ENKUR: variants seen among roughly 807,000 people sequenced by gnomAD.
The protein encoded by ENKUR is enkurin.
A neutral mutation model predicts 27.6 loss-of-function variants in ENKUR; 19 were observed. That is an observed-to-expected ratio of 0.69 (90% CI 0.48 to 1.01). The LOEUF is 1.01. Among genes scored for constraint, ENKUR ranks in the 50% least tolerant of loss-of-function variants. ENKUR has a pLI of 0.00. For missense variants in ENKUR, 312 were observed against 310.5 expected (o/e 1.00, Z -0.04); for synonymous variants, 117 against 96.9 (o/e 1.21, Z -1.22).
intron 2 of ENKUR, among the ~76,000 whole-genome samples, chr10:25,040,371 ATT>A (rs370808163): frequency 1.3e-4 from 18 of 133,760 alleles, no homozygotes; most frequent in Admixed American, 1.6e-4. Flanking sequence ...ATTAAATGGG[ATT>A]TTTTTTTTTT....
At chr10:25,047,771 C>A (rs992057424) in intron 2 of ENKUR, among the ~76,000 whole-genome samples, 5 of 152,056 alleles carry the variant, frequency 3.3e-5, no homozygotes, top group African/African-American at 1.2e-4. Flanking sequence ...TTTTTATAGT[C>A]TTTTTTAGCA....
At chr10:25,033,825 G>A (rs12359314) in intron 2 of ENKUR, among the ~76,000 whole-genome samples, 15 of 148,728 alleles carry the variant, frequency 1.0e-4, no homozygotes, top group East Asian at 4.0e-4. Context: ...GTGTGTGTGT[G>A]TCTATCTATC....
At chr10:25,007,886 A>T (rs1357919568) in intron 1 of ENKUR, among the ~76,000 whole-genome samples, 1 of 151,668 alleles carries the variant, frequency 6.6e-6, no homozygotes, top group Non-Finnish European at 1.5e-5. Flanking sequence ...TGCCTTTTGA[A>T]TTATCCTGTC....
intron 2 of ENKUR, chr10:25,025,008 AAGTC>A (rs1564350831): frequency 2.7e-5 from 43 of 1,614,212 alleles, no homozygotes; most frequent in Non-Finnish European, 3.1e-5. Flanking sequence ...ATCGATTAGA[AAGTC>A]AGCATCATTT....
chr10:25,060,960 C>T (rs1851319480), intron 2 of ENKUR, among the ~76,000 whole-genome samples: 1 of 152,066 alleles, frequency 6.6e-6, no homozygotes, highest in Admixed American at 6.6e-5. Flanking sequence ...GTGATCCTCC[C>T]ACCTCAGCCT....
At chr10:25,053,595 C>T (rs367944286) in intron 2 of ENKUR, among the ~76,000 whole-genome samples, 2 of 152,076 alleles carry the variant, frequency 1.3e-5, no homozygotes, top group South Asian at 4.2e-4. Flanking sequence ...GCAGCTAGCT[C>T]AATGAAAGTA....
upstream of ENKUR, among the ~76,000 whole-genome samples, chr10:25,018,961 A>C (rs1850666424): frequency 6.6e-6 from 1 of 152,204 alleles, no homozygotes; most frequent in Non-Finnish European, 1.5e-5. Flanking sequence ...CCTTGTGATT[A>C]CAGAACTATA....
In ENKUR at chr10:25,043,463, A is replaced by G. The variant is rs74230856; in HGVS notation, c.37+17649T>C. 2.2e-4 allele frequency among the ~76,000 whole-genome samples: 34 copies of G among 152,260 alleles called. No homozygotes were observed. In the East Asian group the frequency reaches 6.2e-3, roughly 28 times the overall value. On this transcript the variant is annotated intron_variant, in intron 2 of 5. Transcript: ENST00000615958. Reference sequence around the variant, plus strand: ...TTTTCCCATCCTTGTTCCTGTGTATATAACATCTTTCCCCCAGTATATAAT... The same window carrying G: ...TTTTCCCATCCTTGTTCCTGTGTATGTAACATCTTTCCCCCAGTATATAAT...
intron 2 of ENKUR, among the ~76,000 whole-genome samples, chr10:25,053,865 T>C (rs932727088): frequency 6.6e-6 from 1 of 152,184 alleles, no homozygotes; most frequent in African/African-American, 2.4e-5. Context: ...AAAATACTCA[T>C]GCACCTACCA....
intron 2 of ENKUR, among the ~76,000 whole-genome samples, chr10:25,056,858 T>G (rs745626749): frequency 9.9e-5 from 15 of 152,194 alleles, no homozygotes; most frequent in Non-Finnish European, 1.5e-4. Context: ...GGACCTGGTC[T>G]AAATGAGACA....
Position 25,057,380 on chromosome 10 carries a change from T to TACACAC in ENKUR, c.37+3726_37+3731dup, listed in dbSNP as rs139515865. The stretch of plus-strand genomic sequence containing the variant: ...ATCAGCTTAACCCTCTGCACTTTGG[T>TACACAC]ACACACACACACACACACACACACA... On this transcript the variant is annotated intron_variant, in intron 2 of 5. Transcript: ENST00000615958. Among the ~76,000 whole-genome samples, 408 of 117,806 alleles carry TACACAC rather than the reference T, an allele frequency of 3.5e-3. 3 individuals carry two copies. The highest frequency in any genetic ancestry group is 6.6e-3 in the African/African-American group (195 of 29,508). 77.3% of individuals were successfully genotyped at this position (117,806 alleles called of 152,430 possible). A position where few individuals can be genotyped will look rare whatever the true frequency, so the allele number is the denominator to read the frequency against.
At chr10:25,057,914 G>C (rs985265092) in intron 2 of ENKUR, among the ~76,000 whole-genome samples, 1 of 151,878 alleles carries the variant, frequency 6.6e-6, no homozygotes, top group Non-Finnish European at 1.5e-5. Context: ...TAAATATGTA[G>C]GCATGGTGGT....
At chr10:25,011,324 C>T (rs111726940) in intron 1 of ENKUR, among the ~76,000 whole-genome samples, 2,027 of 152,040 alleles carry the variant, frequency 0.013, 55 homozygotes, top group African/African-American at 0.046. Context: ...TGTTTGAGTT[C>T]ATTGTAGATT....
At chr10:25,043,332 T>A (rs545146758) in intron 2 of ENKUR, among the ~76,000 whole-genome samples, 1 of 152,338 alleles carries the variant, frequency 6.6e-6, no homozygotes, top group African/African-American at 2.4e-5. Flanking sequence ...TTGTTAGTTA[T>A]GCATGTTTTT....
chr10:25,032,321 G>T (rs188246486), intron 2 of ENKUR, among the ~76,000 whole-genome samples: 9 of 149,488 alleles, frequency 6.0e-5, no homozygotes, highest in East Asian at 5.9e-4. Flanking sequence ...AGAAGGGGGG[G>T]GGGCTATGAT....
chr10:24,989,511 A>G (rs115639012), intron 4 of ENKUR, among the ~76,000 whole-genome samples: 340 of 152,334 alleles, frequency 2.2e-3, no homozygotes, highest in African/African-American at 7.3e-3. Flanking sequence ...CTGCACACAT[A>G]CACATATTCA....
intron 2 of ENKUR, among the ~76,000 whole-genome samples, chr10:24,998,023 C>T (rs1329299754): frequency 6.6e-6 from 1 of 152,068 alleles, no homozygotes; most frequent in African/African-American, 2.4e-5. Flanking sequence ...TCTGAAGTCA[C>T]GAATTAAGCA....
intron 2 of ENKUR, among the ~76,000 whole-genome samples, chr10:25,038,566 A>G (rs942644620): frequency 2.6e-5 from 4 of 152,176 alleles, no homozygotes; most frequent in African/African-American, 9.6e-5. Flanking sequence ...GAGGGTTTTA[A>G]AGGATACATC....
intron 3 of ENKUR, among the ~76,000 whole-genome samples, chr10:24,995,274 A>C (rs1484066905): frequency 1.3e-5 from 2 of 152,340 alleles, no homozygotes; most frequent in South Asian, 2.1e-4. Flanking sequence ...GCAATTAATG[A>C]CTAAATCTTA....
Sources: gnomAD v4.1 joint callset for allele counts (sites outside exome capture counted in the v4.1 genomes callset) on GRCh38, gnomAD v4.1.1 for gene constraint, MANE v1.5 for transcripts, NCBI Gene and HGNC (gene_info 2026-07-23, HGNC 2026-07-21) for gene names.